The following SLC51A variants were observed in gnomAD, a reference collection of about 807,000 sequenced individuals.
The protein encoded by SLC51A is organic solute transporter subunit alpha.
In SLC51A, 22 loss-of-function variants were observed where a neutral mutation model predicts 34.8. That is an observed-to-expected ratio of 0.63 (90% CI 0.45 to 0.90). The LOEUF is 0.90. Among genes scored for constraint, SLC51A ranks in the 40% least tolerant of loss-of-function variants. The probability of loss-of-function intolerance (pLI) is 0.00; values close to 1 mark genes in which losing one functional copy is unlikely to be tolerated. For missense variants in SLC51A, 371 were observed against 414.8 expected, an observed-to-expected ratio of 0.89 and a Z score of 0.92; for synonymous variants, 181 against 176.3, an observed-to-expected ratio of 1.03 and a Z score of -0.21.
chr3:196,223,657 CT>C (rs1723820601), intron 2 of SLC51A, among the ~76,000 whole-genome samples: 1 of 150,308 alleles, frequency 6.7e-6, no homozygotes, highest in South Asian at 2.1e-4. Flanking sequence ...TTAATGTTGG[CT>C]TTTTCCTATC....
At chr3:196,227,228 G>T in intron 3 of SLC51A, 109 bp downstream of exon 3, 1 of 1,200,286 alleles carries the variant, frequency 8.3e-7, no homozygotes, top group Non-Finnish European at 1.2e-6. Flanking sequence ...GTCCTGCCAC[G>T]ACCCGCGGAG....
In SLC51A at chr3:196,228,228, C is replaced by T. The variant is rs1560154521; in HGVS notation, c.476C>T (p.Pro159Leu). 7 of 1,612,936 alleles carry T rather than the reference C, an allele frequency of 4.3e-6. No homozygotes were observed. The highest frequency in any genetic ancestry group is 5.9e-6 in the Non-Finnish European group (7 of 1,179,534). ...RDTPMMVHTGPCCCCCPCCPR... is the reference protein window; with the variant it reads ...RDTPMMVHTGLCCCCCPCCPR... ...ACCCCGATGATGGTCCACACAGGCC[C>T]CTGCTGCTGCTGCTGCCCCTGCTGT... Residue 159 changes from proline to leucine, a missense_variant, in exon 5 of 9, where the codon CCC becomes CTC. Physicochemically the swap from Pro to Leu is moderately conservative, Grantham distance 98. Coordinates refer to ENST00000296327, the MANE Select transcript of SLC51A (RefSeq NM_152672.6). This position sits in a 1 kb window ranked among gnomAD's most constrained non-coding sequence, Gnocchi z 4.9.
At chr3:196,227,989 C>T (rs1433633436) in intron 4 of SLC51A, 126 bp from the exon 5 acceptor site, 20 of 1,290,674 alleles carry the variant, frequency 1.5e-5, no homozygotes, top group Admixed American at 2.1e-5. Flanking sequence ...TCCTCTCCCT[C>T]GCCCCTCTTG....
At position 196,227,652 on chromosome 3, in the gene SLC51A, C is replaced by G. The variant is rs1319959797; in HGVS notation, c.289-12C>G. 1 of 1,613,452 alleles carries G rather than the reference C, an allele frequency of 6.2e-7. No homozygotes were observed. The highest frequency in any genetic ancestry group is 8.5e-7 in the Non-Finnish European group (1 of 1,179,594). On this transcript the variant is annotated splice_polypyrimidine_tract_variant and intron_variant, in intron 3 of 8. Coordinates refer to ENST00000296327, the MANE Select transcript of SLC51A (RefSeq NM_152672.6). ...CCTCCCGCCCTCACCTGCTCCTGCC[C>G]CTTCTGAGCAGGTGGTGTCTGTGCT...
At chr3:196,232,624 T>G in intron 8 of SLC51A, 100 bp downstream of exon 8, 1 of 859,300 alleles carries the variant, frequency 1.2e-6, no homozygotes, top group Non-Finnish European at 2.0e-6. Context: ...GCCTGACTTC[T>G]GCTCAGAGTG....
At chr3:196,227,299 C>T in intron 3 of SLC51A, 180 bp downstream of exon 3, 1 of 649,878 alleles carries the variant, frequency 1.5e-6, no homozygotes, top group South Asian at 1.9e-5. Flanking sequence ...GAAGGCTGTG[C>T]AGTGTTTGCA....
rs567897891 is a variant in SLC51A at position 196,226,901 on chromosome 3, G to T, written c.134-64G>T. 6 of 1,508,538 alleles carry T rather than the reference G, an allele frequency of 4.0e-6. No homozygotes were observed. The East Asian group carries it at 1.1e-4, about 29-fold the overall frequency. 93.4% of individuals were successfully genotyped at this position (1,508,538 alleles called of 1,614,324 possible). A position where few individuals can be genotyped will look rare whatever the true frequency, so the allele number is the denominator to read the frequency against. On this transcript the variant is annotated intron_variant, in intron 2 of 8. Transcript: ENST00000296327. ...TCCAGTAAGGCAATTTCGATCCGAG[G>T]AACAAGCCCAGGCCTTCTCCCGCTC...
At chr3:196,223,432 A>C (rs1231430178) in intron 2 of SLC51A, among the ~76,000 whole-genome samples, 1 of 151,808 alleles carries the variant, frequency 6.6e-6, no homozygotes, top group African/African-American at 2.4e-5. Flanking sequence ...ATGTGGGCGG[A>C]AGGAGGACAT....
chr3:196,220,467 C>G (rs1043456588), intron 2 of SLC51A, among the ~76,000 whole-genome samples: 3 of 152,030 alleles, frequency 2.0e-5, no homozygotes, highest in Admixed American at 1.3e-4. Context: ...TGTGGTGGCG[C>G]GTGCCTGTAA....
At chr3:196,232,289 T>C (rs1428294114) in intron 7 of SLC51A, 130 bp from the exon 8 acceptor site, 2 of 640,562 alleles carry the variant, frequency 3.1e-6, no homozygotes, top group Non-Finnish European at 5.6e-6. Context: ...CTCAACCCTC[T>C]GTGACTGCAC....
chr3:196,227,199 C>T, intron 3 of SLC51A, 80 bp downstream of exon 3: 2 of 1,380,538 alleles, frequency 1.4e-6, no homozygotes, highest in African/African-American at 1.9e-5. Flanking sequence ...AAACTCAGCA[C>T]GTCACTTCGG....
intron 2 of SLC51A, among the ~76,000 whole-genome samples, chr3:196,222,070 C>T (rs895779057): frequency 1.3e-5 from 2 of 152,084 alleles, no homozygotes. Context: ...ACACTGTGCT[C>T]CTAAGCTACT....
rs572583601 is a variant in SLC51A, at chr3:196,219,492, G to A, written c.133+1556G>A. Reference sequence around the variant, plus strand: ...TCTCAGTGTGCGTTCTGTTGCAGACGTGGGCGTGTCCTTGGGCTGTGTAGG... The same window carrying A: ...TCTCAGTGTGCGTTCTGTTGCAGACATGGGCGTGTCCTTGGGCTGTGTAGG... On this transcript the variant is annotated intron_variant, in intron 2 of 8. Coordinates refer to ENST00000296327, the MANE Select transcript of SLC51A (RefSeq NM_152672.6). 2.6e-5 allele frequency among the ~76,000 whole-genome samples: 4 copies of A among 152,334 alleles called. No individual in the cohort carries two copies. In the South Asian group the frequency reaches 6.2e-4, roughly 24 times the overall value.
At chr3:196,220,427 T>A (rs932221229) in intron 2 of SLC51A, among the ~76,000 whole-genome samples, 1 of 152,018 alleles carries the variant, frequency 6.6e-6, no homozygotes, top group African/African-American at 2.4e-5. Flanking sequence ...TGAAATCCTG[T>A]CTCTACTGAA....
At position 196,228,638 on chromosome 3, in the gene SLC51A, G is replaced by C. The variant is rs1309488512; in HGVS notation, c.522-171G>C. Reference sequence around the variant, plus strand: ...TGGAGGTGAGTGGGAGACCAAGAGGGTTCCCAGCACTCTCAACATTCTGCT... The same window carrying C: ...TGGAGGTGAGTGGGAGACCAAGAGGCTTCCCAGCACTCTCAACATTCTGCT... On this transcript the variant is annotated intron_variant, in intron 5 of 8. Coordinates refer to ENST00000296327, the MANE Select transcript of SLC51A (RefSeq NM_152672.6). The surrounding 1 kb of genome is among the most constrained non-coding windows in gnomAD (Gnocchi z 4.9). 1.4e-5 allele frequency: 9 copies of C among 631,758 alleles called. No individual in the cohort carries two copies. 39.1% of individuals were successfully genotyped at this position (631,758 alleles called of 1,614,324 possible).
At chr3:196,219,248 A>AT (rs907612287) in intron 2 of SLC51A, among the ~76,000 whole-genome samples, 34 of 152,242 alleles carry the variant, frequency 2.2e-4, no homozygotes, top group African/African-American at 7.5e-4. Flanking sequence ...AAGAAAAAAA[A>AT]GGAAAAGAAA....
At chr3:196,229,838 G>C in intron 6 of SLC51A, 77 bp from the exon 7 acceptor site, 1 of 1,494,798 alleles carries the variant, frequency 6.7e-7, no homozygotes, top group Non-Finnish European at 9.0e-7. Flanking sequence ...GGGTGACAGA[G>C]TGACACCATC....
rs1723915244 is a variant in SLC51A at position 196,227,059 on chromosome 3, C to T, written c.228C>T (p.Tyr76=). 1 of 1,614,122 alleles carries T rather than the reference C, an allele frequency of 6.2e-7. No individual in the cohort carries two copies. The part of the protein sequence containing the change: ...AIFLEDAVYL[Y]KNTLCPIKRR... ...TCCTGGAGGATGCCGTCTACCTGTA[C>T]AAGAACACCCTTTGCCCCATCAAGA... Residue 76 remains tyrosine (Y), a synonymous_variant, in exon 3 of 9, where the codon TAC becomes TAT. Coordinates refer to ENST00000296327, the MANE Select transcript of SLC51A (RefSeq NM_152672.6).
At position 196,216,635 on chromosome 3, in the gene SLC51A, G is replaced by GCCCCCCGCCCCCCCCAGCCCCCC; in HGVS notation, c.-73_-72insCGCCCCCCCCAGCCCCCCCCCCC. On this transcript the variant is annotated 5_prime_UTR_variant, in exon 1 of 9. Transcript: ENST00000296327. This position sits in a 1 kb window ranked among gnomAD's most constrained non-coding sequence, Gnocchi z 4.5. ...CACCCCGGCCCAGGCAAGCCACCCT[G>GCCCCCCGCCCCCCCCAGCCCCCC]CCCCCGGCCCCCACCTGCCCGCCCC... 7.1e-7 allele frequency: 1 copy of GCCCCCCGCCCCCCCCAGCCCCCC among 1,416,614 alleles called. No individual in the cohort carries two copies. Among genetic ancestry groups the GCCCCCCGCCCCCCCCAGCCCCCC allele is most frequent in the Non-Finnish European group, 9.7e-7 (1 of 1,032,684 alleles). The allele number at this position is 1,416,614 out of a possible 1,614,324, so 87.8% of individuals were successfully genotyped here.
Sources: allele counts gnomAD v4.1 joint callset (sites outside exome capture counted in the v4.1 genomes callset), GRCh38; gene constraint gnomAD v4.1.1; non-coding constraint Gnocchi (gnomAD v3.1); transcripts MANE v1.5; gene names NCBI Gene and HGNC (gene_info 2026-07-23, HGNC 2026-07-21).